The following SF3B3 variants were observed in gnomAD, a reference collection of about 807,000 sequenced individuals.
SF3B3 encodes SAP 130.
Under a neutral mutation model 139.2 loss-of-function variants are expected in SF3B3, and 33 were observed. That is an observed-to-expected ratio of 0.24 (90% CI 0.18 to 0.32). The LOEUF (loss-of-function observed/expected upper bound fraction) is 0.32, where lower values mean the gene tolerates loss of function less well. SF3B3 is among the 10% of genes least tolerant of loss of function. The pLI is 1.00. For synonymous variants in SF3B3, 596 were observed against 563.6 expected, an observed-to-expected ratio of 1.06 and a Z score of -0.81; for missense variants, 818 against 1,509.4, an observed-to-expected ratio of 0.54 and a Z score of 7.59.
intron 12 of SF3B3, 50 bp from the exon 13 acceptor site, chr16:70,555,001 G>T: frequency 6.4e-7 from 1 of 1,574,138 alleles, no homozygotes; most frequent in Non-Finnish European, 8.7e-7. Context: ...GTCATTCTGA[G>T]TGATGAATCA....
chr16:70,563,503 T>C (rs1275367426), intron 17 of SF3B3, among the ~76,000 whole-genome samples: 2 of 152,214 alleles, frequency 1.3e-5, no homozygotes, highest in Non-Finnish European at 2.9e-5. Context: ...CCACTTTATT[T>C]TATGAAGCAC....
intron 11 of SF3B3, among the ~76,000 whole-genome samples, chr16:70,548,996 A>T (rs1048968528): frequency 1.3e-5 from 2 of 152,180 alleles, no homozygotes; most frequent in Non-Finnish European, 2.9e-5. Flanking sequence ...CTGGATATAA[A>T]TGGTCACCTG....
chr16:70,530,468 C>T (rs544242369), intron 3 of SF3B3, among the ~76,000 whole-genome samples: 1 of 152,072 alleles, frequency 6.6e-6, no homozygotes. Context: ...TAGAGGCATG[C>T]ACCACCACAC....
At position 70,563,976 on chromosome 16, in the gene SF3B3, C is replaced by G; in HGVS notation, c.2389C>G (p.Leu797Val). 1 of 1,614,136 alleles carries G rather than the reference C, an allele frequency of 6.2e-7. No individual in the cohort carries two copies. Among genetic ancestry groups the G allele is most frequent in the Non-Finnish European group, 8.5e-7 (1 of 1,180,034 alleles). Residue 797 changes from leucine to valine, a missense_variant, in exon 18 of 26, where the codon CTT (leucine) becomes GTT (valine). Transcript: ENST00000302516. ...KFVIHPESNN[L>V]IIIETDHNAY... ...TGTCATCCACCCTGAGAGTAACAACCTTATTATCATTGAAACGGACCACAA... is the reference window on the plus strand; with the variant it reads ...TGTCATCCACCCTGAGAGTAACAACGTTATTATCATTGAAACGGACCACAA...
rs1597721705 is a variant in SF3B3 at position 70,561,758 on chromosome 16, T to C, written c.2262T>C (p.Ile754=). The change falls in exon 17 of 26, where the codon ATT becomes ATC. Residue 754 remains isoleucine (I), a synonymous_variant. Transcript: ENST00000302516. ...CCTCGGAACAGTGTCCCGAGGGCATTGTGGCCATCTCCACCAACACCCTAC... is the reference window on the plus strand; with the variant it reads ...CCTCGGAACAGTGTCCCGAGGGCATCGTGGCCATCTCCACCAACACCCTAC... ...GFASEQCPEG[I]VAISTNTLRI... 1 of 1,614,010 alleles carries C rather than the reference T, an allele frequency of 6.2e-7. No individual in the cohort carries two copies. The highest frequency in any genetic ancestry group is 2.2e-5 in the East Asian group (1 of 44,878).
intron 9 of SF3B3, among the ~76,000 whole-genome samples, chr16:70,543,408 C>A (rs1415705934): frequency 1.4e-5 from 2 of 141,894 alleles, no homozygotes; most frequent in Non-Finnish European, 3.0e-5. Flanking sequence ...AACCCCGTCT[C>A]AAAAAAGAAA....
At chr16:70,564,349 C>T (rs2050455946) in intron 18 of SF3B3, among the ~76,000 whole-genome samples, 1 of 152,168 alleles carries the variant, frequency 6.6e-6, no homozygotes, top group South Asian at 2.1e-4. Context: ...ACCAGTGGCA[C>T]TCTGGACACG....
At position 70,526,114 on chromosome 16, in the gene SF3B3, C is replaced by T. The variant is rs550142367; in HGVS notation, c.-70-473C>T. On this transcript the variant is annotated intron_variant, in intron 1 of 25. Transcript: ENST00000302516. ...AAAGTTATTTATGAGGACGTTTACTCATAATTCTCTCTTCTCGTTTAACAA... is the reference window on the plus strand; with the variant it reads ...AAAGTTATTTATGAGGACGTTTACTTATAATTCTCTCTTCTCGTTTAACAA... Among the ~76,000 whole-genome samples the T allele has an allele frequency of 9.2e-5, 14 of 152,154 alleles. No individual in the cohort carries two copies. In the East Asian group the frequency reaches 2.7e-3, roughly 29 times the overall value.
chr16:70,571,552 G>A (rs1461105642), intron 25 of SF3B3, 121 bp from the exon 26 acceptor site: 2 of 1,058,266 alleles, frequency 1.9e-6, no homozygotes, highest in South Asian at 3.3e-5. Flanking sequence ...ATGATAGGGT[G>A]AGACCCTGTC....
chr16:70,529,428 T>C, intron 3 of SF3B3: 1 of 543,006 alleles, frequency 1.8e-6, no homozygotes, highest in East Asian at 3.1e-5. Context: ...AAATGGGTGT[T>C]TTTCAATTTC....
chr16:70,538,558 G>GT (rs2050189522), intron 7 of SF3B3, 98 bp downstream of exon 7: 1 of 1,108,100 alleles, frequency 9.0e-7, no homozygotes, highest in East Asian at 2.4e-5. Flanking sequence ...AACTTAGAAA[G>GT]TAGTTGCCCT....
intron 5 of SF3B3, among the ~76,000 whole-genome samples, chr16:70,534,827 CCT>C (rs1441475039): frequency 1.3e-5 from 2 of 152,054 alleles, no homozygotes; most frequent in East Asian, 3.9e-4. Flanking sequence ...CACCACCATG[CCT>C]GGCTAATTTT....
intron 3 of SF3B3, among the ~76,000 whole-genome samples, chr16:70,529,873 C>T (rs1384003143): frequency 1.3e-5 from 2 of 151,990 alleles, no homozygotes; most frequent in Admixed American, 6.6e-5. Context: ...TGGCTCACAC[C>T]TGTAATCCCA....
intron 9 of SF3B3, among the ~76,000 whole-genome samples, chr16:70,542,708 C>T (rs972366071): frequency 1.3e-5 from 2 of 150,014 alleles, no homozygotes; most frequent in African/African-American, 4.9e-5. Flanking sequence ...TGACTAATTT[C>T]TTTTTTTTTC....
Position 70,528,936 on chromosome 16 carries a change from C to T in SF3B3, c.134C>T (p.Pro45Leu). Residue 45 changes from proline to leucine, a missense_variant, in exon 3 of 26, where the codon CCC (proline) becomes CTC (leucine). Around this residue, in one of 14 missense-constraint regions of SF3B3, gnomAD observed 144 missense variants for 259.2 expected, o/e 0.56. Coordinates refer to ENST00000302516, the MANE Select transcript of SF3B3 (RefSeq NM_012426.5). ...ATCTTGGAGCTGCTTCGCCCAGACC[C>T]CAACACTGGCAAAGTACATACCCTA... The part of the protein sequence containing the change: ...GKILELLRPD[P>L]NTGKVHTLLT... The T allele has an allele frequency of 6.2e-7, 1 of 1,614,108 alleles. No individual in the cohort carries two copies. Among genetic ancestry groups the T allele is most frequent in the Non-Finnish European group, 8.5e-7 (1 of 1,180,004 alleles).
At chr16:70,566,886 G>A (rs76511287) in intron 20 of SF3B3, among the ~76,000 whole-genome samples, 4,838 of 151,868 alleles carry the variant, frequency 0.032, 293 homozygotes, top group African/African-American at 0.11. Context: ...CAGTTTCTAC[G>A]AAAAATACAG....
intron 9 of SF3B3, among the ~76,000 whole-genome samples, chr16:70,543,428 C>T (rs2050238714): frequency 6.7e-6 from 1 of 149,860 alleles, no homozygotes; most frequent in Non-Finnish European, 1.5e-5. Context: ...AAAAAAAAGG[C>T]CGGTCACGAT....
At chr16:70,560,725 C>G in intron 16 of SF3B3, 134 bp downstream of exon 16, 1 of 948,926 alleles carries the variant, frequency 1.1e-6, no homozygotes. Context: ...TGTGAGAAGT[C>G]CTGAGTTTTC....
At chr16:70,569,978 C>T (rs2050513109) in intron 23 of SF3B3, 28 bp from the exon 24 acceptor site, 11 of 1,612,988 alleles carry the variant, frequency 6.8e-6, no homozygotes, top group Non-Finnish European at 9.3e-6. Flanking sequence ...AGGGTGCACA[C>T]AGTCACTAGT....
Sources: gnomAD v4.1 joint callset for allele counts (sites outside exome capture counted in the v4.1 genomes callset) on GRCh38, gnomAD v4.1.1 for gene constraint, gnomAD v4.1.1 regional missense constraint, MANE v1.5 for transcripts, NCBI Gene and HGNC (gene_info 2026-07-23, HGNC 2026-07-21) for gene names.